MPP7: variants seen among roughly 807,000 people sequenced by gnomAD.
MPP7 encodes MAGUK p55 scaffold protein 7.
MPP7 carries 60 observed loss-of-function variants against 76.5 expected under a neutral mutation model. That is an observed-to-expected ratio of 0.78 (90% CI 0.64 to 0.97). MPP7 has a LOEUF of 0.97. Among genes scored for constraint, MPP7 ranks in the 50% least tolerant of loss-of-function variants. MPP7 has a pLI of 0.00. For missense variants in MPP7, 641 were observed against 694.0 expected, an observed-to-expected ratio of 0.92 and a Z score of 0.86; for synonymous variants, 237 against 244.5, an observed-to-expected ratio of 0.97 and a Z score of 0.29.
At chr10:28,334,440 C>T (rs771556483) in exon 1 of MPP7, 1 of 152,128 alleles carries the variant, frequency 6.6e-6, no homozygotes, top group Non-Finnish European at 1.5e-5. Flanking sequence ...CAATTGCATC[C>T]AGGATGAGAT....
chr10:28,120,981 C>G (rs746542429), intron 8 of MPP7, among the ~76,000 whole-genome samples: 12 of 152,080 alleles, frequency 7.9e-5, no homozygotes, highest in Non-Finnish European at 1.3e-4. Context: ...TGCACAACAC[C>G]TTAAATAAAC....
intron 2 of MPP7, among the ~76,000 whole-genome samples, chr10:28,230,815 C>CAAAT (rs952243422): frequency 1.3e-4 from 20 of 152,148 alleles, no homozygotes; most frequent in African/African-American, 4.3e-4. Context: ...GAATCCATCT[C>CAAAT]AAATAAATAA....
chr10:28,159,020 G>A (rs1008241317), intron 3 of MPP7, among the ~76,000 whole-genome samples: 2 of 152,140 alleles, frequency 1.3e-5, no homozygotes, highest in African/African-American at 4.8e-5. Flanking sequence ...CCTACCCCTG[G>A]CTGACACTAG....
chr10:28,130,441 T>C (rs139080537), intron 6 of MPP7, among the ~76,000 whole-genome samples: 60 of 152,232 alleles, frequency 3.9e-4, no homozygotes, highest in South Asian at 1.7e-3. Flanking sequence ...ATAAACAAAA[T>C]TGCATTTTTA....
Position 28,183,289 on chromosome 10 carries a change from A to C in MPP7, c.156+18864T>G, listed in dbSNP as rs192896626. On this transcript the variant is annotated intron_variant, in intron 3 of 16. Transcript: ENST00000683449. ...CTGGATCTACAATATTTTCTCTCTT[A>C]AGCTGTGTGTTGGAACACATGGATG... is the stretch of plus-strand genomic sequence containing the variant. 5.3e-5 allele frequency among the ~76,000 whole-genome samples: 8 copies of C among 152,088 alleles called. No individual in the cohort carries two copies. The East Asian group carries it at 1.5e-3, about 29-fold the overall frequency.
intron 2 of MPP7, among the ~76,000 whole-genome samples, chr10:28,223,792 T>C (rs938754126): frequency 1.3e-5 from 2 of 151,636 alleles, no homozygotes; most frequent in African/African-American, 4.9e-5. Flanking sequence ...ACCTATAAAC[T>C]GAAATGTATA....
chr10:28,226,234 AG>A (rs1838685201), intron 2 of MPP7, among the ~76,000 whole-genome samples: 1 of 151,702 alleles, frequency 6.6e-6, no homozygotes, highest in East Asian at 1.9e-4. Context: ...CATGGGCTGG[AG>A]GGAGAGGGAC....
chr10:28,215,629 C>T (rs1202146097), intron 2 of MPP7, among the ~76,000 whole-genome samples: 1 of 152,086 alleles, frequency 6.6e-6, no homozygotes, highest in Non-Finnish European at 1.5e-5. Context: ...GGGTAGCATG[C>T]TTAGACTCTA....
At chr10:28,286,336 A>G (rs1474222289) in intron 1 of MPP7, among the ~76,000 whole-genome samples, 1 of 150,428 alleles carries the variant, frequency 6.6e-6, no homozygotes, top group East Asian at 2.0e-4. Flanking sequence ...ACAGAGCGAG[A>G]CTCCACCTCA....
rs1836032848 is a variant in MPP7 at position 28,155,610 on chromosome 10, G to GAAAGAA, written c.157-5557_157-5552dup. On this transcript the variant is annotated intron_variant, in intron 3 of 16. Transcript: ENST00000683449. ...CAGACCCTGTCTCCAAAAAAAAAAA[G>GAAAGAA]AAAGAAAAAGAAAAAGGCATTAAAG... 5.2e-5 allele frequency among the ~76,000 whole-genome samples: 5 copies of GAAAGAA among 96,988 alleles called. No homozygotes were observed. In the Admixed American group the frequency reaches 5.7e-4, roughly 11 times the overall value. 63.6% of individuals were successfully genotyped at this position (96,988 alleles called of 152,430 possible).
chr10:28,130,921 G>T (rs905003716), intron 6 of MPP7, among the ~76,000 whole-genome samples: 1 of 151,898 alleles, frequency 6.6e-6, no homozygotes, highest in Non-Finnish European at 1.5e-5. Flanking sequence ...TATTTAAAAT[G>T]ACATTTTAAA....
At chr10:28,093,896 G>C (rs1003482073) in intron 11 of MPP7, among the ~76,000 whole-genome samples, 34 of 152,330 alleles carry the variant, frequency 2.2e-4, no homozygotes, top group African/African-American at 8.2e-4. Flanking sequence ...GCTTGCTACA[G>C]AACAGTTGCT....
At chr10:28,223,423 A>G (rs2134075633) in intron 2 of MPP7, among the ~76,000 whole-genome samples, 1 of 152,260 alleles carries the variant, frequency 6.6e-6, no homozygotes, top group African/African-American at 2.4e-5. Flanking sequence ...AGTCAGTAAG[A>G]TTTTGTTCAC....
chr10:28,145,264 CT>C lies in MPP7; in HGVS notation c.315+2218del, dbSNP rs570927914. Among the ~76,000 whole-genome samples the C allele has an allele frequency of 3.5e-3, 532 of 152,246 alleles. 4 individuals are homozygous for C. Among genetic ancestry groups the C allele is most frequent in the African/African-American group, 0.012 (514 of 41,550 alleles). ...TACTTTGAAGATATATTTCAACTTC[CT>C]TTTCAGTCCAATGAATTAAGTATTT... On this transcript the variant is annotated intron_variant, in intron 5 of 16. Coordinates refer to ENST00000683449, the MANE Select transcript of MPP7 (RefSeq NM_001318170.2).
At chr10:28,294,988 T>C (rs1420999086) in intron 1 of MPP7, among the ~76,000 whole-genome samples, 1 of 152,154 alleles carries the variant, frequency 6.6e-6, no homozygotes, top group Non-Finnish European at 1.5e-5. Context: ...GGCTGGCCCC[T>C]GCAGTGGCTG....
intron 11 of MPP7, among the ~76,000 whole-genome samples, chr10:28,109,730 C>T (rs1048379644): frequency 6.6e-6 from 1 of 151,422 alleles, no homozygotes; most frequent in Non-Finnish European, 1.5e-5. Context: ...CAAGTGCTCA[C>T]CTATATAGGT....
intron 11 of MPP7, among the ~76,000 whole-genome samples, chr10:28,110,154 A>C (rs1354187876): frequency 6.6e-6 from 1 of 150,618 alleles, no homozygotes; most frequent in Non-Finnish European, 1.5e-5. Flanking sequence ...GCAATGGTGC[A>C]ATCTCGACTC....
intron 1 of MPP7, among the ~76,000 whole-genome samples, chr10:28,262,281 T>A (rs559558605): frequency 9.2e-6 from 1 of 108,364 alleles, no homozygotes; most frequent in African/African-American, 4.0e-5. Context: ...ATATATATTT[T>A]TTTTTTTTTC....
chr10:28,145,785 A>G (rs1234886822), intron 5 of MPP7, among the ~76,000 whole-genome samples: 1 of 148,594 alleles, frequency 6.7e-6, no homozygotes, highest in East Asian at 2.4e-4. Context: ...AGATAAAATG[A>G]AAAATAACCA....
Sources: gnomAD v4.1 joint callset for allele counts (sites outside exome capture counted in the v4.1 genomes callset) on GRCh38, gnomAD v4.1.1 for gene constraint, MANE v1.5 for transcripts, NCBI Gene and HGNC (gene_info 2026-07-23, HGNC 2026-07-21) for gene names.